PRKRIP1: variants seen among roughly 807,000 people sequenced by gnomAD.
PRKRIP1 encodes the protein PRKR-interacting protein 1.
A neutral mutation model predicts 29.3 loss-of-function variants in PRKRIP1; 29 were observed. That is an observed-to-expected ratio of 0.99 (90% CI 0.74 to 1.35). The LOEUF is 1.35. Among genes scored for constraint, PRKRIP1 ranks in the 40% most tolerant of loss-of-function variants. The probability of loss-of-function intolerance (pLI) is 0.00; values close to 1 mark genes in which losing one functional copy is unlikely to be tolerated. For missense variants in PRKRIP1, 247 were observed against 236.8 expected (o/e 1.04, Z -0.28); for synonymous variants, 90 against 85.1 (o/e 1.06, Z -0.32).
chr7:102,422,527 A>G (rs1002364054), intron 5 of PRKRIP1, among the ~76,000 whole-genome samples: 23 of 151,912 alleles, frequency 1.5e-4, no homozygotes, highest in African/African-American at 5.1e-4. Context: ...TTTTTAGTAG[A>G]GACGGGGTTT....
At chr7:102,396,798 T>G (rs964450442) in intron 1 of PRKRIP1, among the ~76,000 whole-genome samples, 1 of 152,120 alleles carries the variant, frequency 6.6e-6, no homozygotes, top group Non-Finnish European at 1.5e-5. Context: ...CCCTTCTGGT[T>G]TAACTTTCTG....
At chr7:102,420,535 T>C (rs781853513) in intron 5 of PRKRIP1, among the ~76,000 whole-genome samples, 3 of 152,228 alleles carry the variant, frequency 2.0e-5, no homozygotes, top group African/African-American at 4.8e-5. Context: ...CTTACTGTTA[T>C]GTATTTGTTA....
chr7:102,398,895 C>T (rs1448784222), intron 2 of PRKRIP1, among the ~76,000 whole-genome samples: 4 of 152,062 alleles, frequency 2.6e-5, no homozygotes, highest in Non-Finnish European at 5.9e-5. Context: ...TTTGGGAGGC[C>T]GAGACAGGAG....
intron 5 of PRKRIP1, among the ~76,000 whole-genome samples, chr7:102,422,822 T>G (rs1554573917): frequency 6.6e-6 from 1 of 152,194 alleles, no homozygotes. Context: ...GCTATGTGTG[T>G]GGGGTATATA....
At chr7:102,424,495 CAG>C (rs1213326425) in intron 5 of PRKRIP1, among the ~76,000 whole-genome samples, 1 of 152,180 alleles carries the variant, frequency 6.6e-6, no homozygotes, top group Non-Finnish European at 1.5e-5. Context: ...TGATGGGGGA[CAG>C]GGAACCTGTG....
intron 5 of PRKRIP1, among the ~76,000 whole-genome samples, chr7:102,410,990 A>G (rs961861210): frequency 6.6e-6 from 1 of 152,198 alleles, no homozygotes; most frequent in African/African-American, 2.4e-5. Context: ...CAGCAGTGCA[A>G]TCACGGCTCG....
chr7:102,406,349 C>T (rs1482928762), intron 4 of PRKRIP1, among the ~76,000 whole-genome samples: 1 of 152,132 alleles, frequency 6.6e-6, no homozygotes, highest in Non-Finnish European at 1.5e-5. Context: ...CTGGTTGTCG[C>T]AGGTGTCATG....
chr7:102,404,141 C>T (rs1172404025), intron 3 of PRKRIP1, among the ~76,000 whole-genome samples: 2 of 152,054 alleles, frequency 1.3e-5, no homozygotes, highest in Non-Finnish European at 1.5e-5. Context: ...CCAGCCTAGG[C>T]GACAGAGTAA....
At chr7:102,409,739 G>A (rs1331852861) in intron 5 of PRKRIP1, among the ~76,000 whole-genome samples, 3 of 151,964 alleles carry the variant, frequency 2.0e-5, no homozygotes, top group Non-Finnish European at 4.4e-5. Context: ...CAGGAGAGTC[G>A]CCTGAGCCCA....
chr7:102,399,799 C>T (rs570290759), intron 3 of PRKRIP1, 151 bp downstream of exon 3: 23 of 597,864 alleles, frequency 3.8e-5, no homozygotes, highest in African/African-American at 9.3e-5. Flanking sequence ...CACCTGAGGT[C>T]GGGAGTTTGA....
intron 4 of PRKRIP1, among the ~76,000 whole-genome samples, chr7:102,406,453 A>AT (rs1796225089): frequency 6.6e-6 from 1 of 152,100 alleles, no homozygotes; most frequent in Non-Finnish European, 1.5e-5. Flanking sequence ...CAAAATAATG[A>AT]TTTTTTTGAT....
Position 102,407,443 on chromosome 7 carries a change from A to G in PRKRIP1, c.402A>G (p.Leu134=). Residue 134 remains leucine, a synonymous_variant, in exon 5 of 6, where the codon TTA becomes TTG. Coordinates refer to ENST00000397912, the MANE Select transcript of PRKRIP1 (RefSeq NM_024653.4). ...TAKRRKKRQK[L]KEKKLLAKKM... is the part of the protein sequence containing the mutation. ...GGTTTTACATTTTTAGCCAGAAGTT[A>G]AAAGAGAAGAAATTACTGGCAAAGA... The G allele has an allele frequency of 6.2e-7, 1 of 1,607,834 alleles. No homozygotes were observed. Among genetic ancestry groups the G allele is most frequent in the Non-Finnish European group, 8.5e-7 (1 of 1,174,204 alleles).
At position 102,411,354 on chromosome 7, in the gene PRKRIP1, G is replaced by A. The variant is rs574686452; in HGVS notation, c.457+3856G>A. On this transcript the variant is annotated intron_variant, in intron 5 of 5. Coordinates refer to ENST00000397912, the MANE Select transcript of PRKRIP1 (RefSeq NM_024653.4). The stretch of plus-strand genomic sequence containing the variant: ...GCGTGAGCCACCATGTGAAGCTGCC[G>A]TGGTTTTTCTCTGGCTGCTTGTTTT... Among the ~76,000 whole-genome samples, 17 of 151,950 alleles carry A rather than the reference G, an allele frequency of 1.1e-4. No individual in the cohort carries two copies. In the East Asian group the frequency reaches 3.1e-3, roughly 28 times the overall value.
intron 5 of PRKRIP1, among the ~76,000 whole-genome samples, chr7:102,421,000 C>T (rs1369441723): frequency 1.3e-5 from 2 of 152,182 alleles, no homozygotes. Flanking sequence ...CACGATGCCC[C>T]ACACGGTGCC....
chr7:102,422,341 T>A (rs1796716732), intron 5 of PRKRIP1, among the ~76,000 whole-genome samples: 1 of 141,666 alleles, frequency 7.1e-6, no homozygotes, highest in South Asian at 2.2e-4. Flanking sequence ...GCCTGGCTAA[T>A]TTTTTTTTTT....
At chr7:102,420,515 TTGA>T (rs1208260788) in intron 5 of PRKRIP1, among the ~76,000 whole-genome samples, 1 of 152,210 alleles carries the variant, frequency 6.6e-6, no homozygotes, top group African/African-American at 2.4e-5. Flanking sequence ...AAATAGCCAC[TTGA>T]TGATTTCTTA....
At chr7:102,420,140 C>T (rs1486362676) in intron 5 of PRKRIP1, among the ~76,000 whole-genome samples, 5 of 152,264 alleles carry the variant, frequency 3.3e-5, no homozygotes, top group African/African-American at 1.2e-4. Context: ...CCCGCCTTGG[C>T]CTCCCAAAGT....
At position 102,411,332 on chromosome 7, in the gene PRKRIP1, T is replaced by A. The variant is rs531141860; in HGVS notation, c.457+3834T>A. On this transcript the variant is annotated intron_variant, in intron 5 of 5. Coordinates refer to ENST00000397912, the MANE Select transcript of PRKRIP1 (RefSeq NM_024653.4). ...TCTCAAAGTGCTGGGATTTCAGGCG[T>A]GAGCCACCATGTGAAGCTGCCGTGG... Among the ~76,000 whole-genome samples, 4 of 152,254 alleles carry A rather than the reference T, an allele frequency of 2.6e-5. No homozygotes were observed. In the East Asian group the frequency reaches 7.7e-4, roughly 29 times the overall value.
chr7:102,416,968 G>GAGT (rs1796568156), intron 5 of PRKRIP1, among the ~76,000 whole-genome samples: 1 of 151,944 alleles, frequency 6.6e-6, no homozygotes, highest in Non-Finnish European at 1.5e-5. Flanking sequence ...CCATTCTCCT[G>GAGT]CCTCAGCCTC....
Sources: gnomAD v4.1 joint callset for allele counts (sites outside exome capture counted in the v4.1 genomes callset) on GRCh38, gnomAD v4.1.1 for gene constraint, MANE v1.5 for transcripts, NCBI Gene and HGNC (gene_info 2026-07-23, HGNC 2026-07-21) for gene names.